ARHGAP18: variants seen among roughly 807,000 people sequenced by gnomAD.
ARHGAP18 encodes the protein Rho GTPase activating protein 18, also known as rho GTPase-activating protein 18.
ARHGAP18 carries 67 observed loss-of-function variants against 86.2 expected under a neutral mutation model. The observed-to-expected ratio is 0.78, with a 90% CI of 0.64 to 0.95. The LOEUF (loss-of-function observed/expected upper bound fraction) is 0.95, where lower values mean the gene tolerates loss of function less well. Among genes scored for constraint, ARHGAP18 ranks in the 40% least tolerant of loss-of-function variants. The probability of loss-of-function intolerance (pLI) is 0.00; values close to 1 mark genes in which losing one functional copy is unlikely to be tolerated. For synonymous variants in ARHGAP18, 283 were observed against 280.4 expected, an observed-to-expected ratio of 1.01 and a Z score of -0.09; for missense variants, 691 against 780.4, an observed-to-expected ratio of 0.89 and a Z score of 1.37.
intron 12 of ARHGAP18, among the ~76,000 whole-genome samples, chr6:129,585,538 A>G (rs1053048269): frequency 2.0e-5 from 3 of 152,224 alleles, no homozygotes; most frequent in Non-Finnish European, 4.4e-5. Flanking sequence ...GGAAGACCAC[A>G]GACTGCAAAC....
intron 1 of ARHGAP18, among the ~76,000 whole-genome samples, chr6:129,675,332 C>T (rs548259248): frequency 5.4e-5 from 8 of 149,296 alleles, no homozygotes; most frequent in African/African-American, 2.0e-4. Flanking sequence ...TGCAGTGAAC[C>T]GAGACCGCGC....
At chr6:129,587,950 G>A (rs1199320232) in intron 12 of ARHGAP18, among the ~76,000 whole-genome samples, 8 of 152,160 alleles carry the variant, frequency 5.3e-5, no homozygotes, top group African/African-American at 1.7e-4. Context: ...GACAAGGCAA[G>A]TCTCTTCCAC....
intron 1 of ARHGAP18, among the ~76,000 whole-genome samples, chr6:129,643,769 G>T (rs1488036303): frequency 6.6e-6 from 1 of 151,802 alleles, no homozygotes; most frequent in African/African-American, 2.4e-5. Flanking sequence ...ATAATAGTGT[G>T]TGAACATTCA....
Position 129,576,374 on chromosome 6 carries a change from TTGCTTGAGCCCCAG to T in ARHGAP18, c.*2125_*2138del, listed in dbSNP as rs1788175182. On this transcript the variant is annotated 3_prime_UTR_variant, in exon 15 of 15. Coordinates refer to ENST00000368149, the MANE Select transcript of ARHGAP18 (RefSeq NM_033515.3). ...TACTCACGAGGCTGAGGCAGGAGGT[TTGCTTGAGCCCCAG>T]TGCTTGAGGCTGCAGTTAGCCGCGA... 1 of 152,188 alleles carries T rather than the reference TTGCTTGAGCCCCAG, an allele frequency of 6.6e-6. No individual in the cohort carries two copies. The highest frequency in any genetic ancestry group is 6.5e-5 in the Admixed American group (1 of 15,278). 9.4% of individuals were successfully genotyped at this position (152,188 alleles called of 1,614,324 possible).
rs200670253 is a variant in ARHGAP18 at position 129,690,149 on chromosome 6, G to GGT, written c.113+19873_113+19874dup. 3.9e-3 allele frequency among the ~76,000 whole-genome samples: 580 copies of GGT among 150,354 alleles called. 4 individuals carry two copies. The highest frequency in any genetic ancestry group is 0.013 in the African/African-American group (545 of 40,688). The stretch of plus-strand genomic sequence containing the variant: ...CGTGTGTGTGTGTGTGTGTGTATGT[G>GGT]GTGTGTGTGTAATGATTTGTATGGA... On this transcript the variant is annotated intron_variant, in intron 1 of 14. Transcript: ENST00000368149.
chr6:129,583,904 A>AG, intron 13 of ARHGAP18, 84 bp downstream of exon 13: 1 of 1,427,258 alleles, frequency 7.0e-7, no homozygotes, highest in South Asian at 1.4e-5. Context: ...AAAAAAAAAA[A>AG]GGAAGAAGAA....
chr6:129,652,412 G>A (rs374881453), intron 1 of ARHGAP18, among the ~76,000 whole-genome samples: 1 of 152,278 alleles, frequency 6.6e-6, no homozygotes, highest in East Asian at 1.9e-4. Context: ...TCAAAGCTGT[G>A]CTCCTGTTTC....
intron 12 of ARHGAP18, among the ~76,000 whole-genome samples, chr6:129,597,655 A>C (rs1788641445): frequency 6.6e-6 from 1 of 152,080 alleles, no homozygotes; most frequent in Non-Finnish European, 1.5e-5. Flanking sequence ...GGGAACACCT[A>C]ACATAAAGTG....
chr6:129,616,242 TG>T lies in ARHGAP18; in HGVS notation c.1013del (p.Pro338GlnfsTer7). 6.2e-7 allele frequency: 1 copy of T among 1,611,792 alleles called. No individual in the cohort carries two copies. The highest frequency in any genetic ancestry group is 8.5e-7 in the Non-Finnish European group (1 of 1,178,734). On this transcript the variant is annotated frameshift_variant, in exon 7 of 15. Transcript: ENST00000368149. LOFTEE classifies it high-confidence loss of function. ...ALLEQDQRKV[P>X]GMRIPLIFQK... ...GAAAGATCAAGGGTATTCGCATTCC[TG>T]GTACTTTCCTCTGATCTTGTTCTAA... is the stretch of plus-strand genomic sequence containing the variant.
intron 13 of ARHGAP18, 68 bp downstream of exon 13, chr6:129,583,920 A>T: frequency 6.5e-7 from 1 of 1,531,940 alleles, no homozygotes; most frequent in Non-Finnish European, 8.8e-7. Context: ...AAGAAGCAGC[A>T]GCGAAGGCGA....
At position 129,577,880 on chromosome 6, in the gene ARHGAP18, G is replaced by A. The variant is rs549258695; in HGVS notation, c.*633C>T. 6.6e-6 allele frequency: 1 copy of A among 152,076 alleles called. No homozygotes were observed. Among genetic ancestry groups the A allele is most frequent in the East Asian group, 1.9e-4 (1 of 5,178 alleles). 9.4% of individuals were successfully genotyped at this position (152,076 alleles called of 1,614,324 possible). A position where few individuals can be genotyped will look rare whatever the true frequency, so the allele number is the denominator to read the frequency against. ...GTCCTATTTTCTTGGTCGCTGATAC[G>A]GTTCTGTGAACATAAGTCAGATGAA... On this transcript the variant is annotated 3_prime_UTR_variant, in exon 15 of 15. Transcript: ENST00000368149.
chr6:129,625,369 A>T (rs1381908736), intron 5 of ARHGAP18, among the ~76,000 whole-genome samples: 1 of 46,408 alleles, frequency 2.2e-5, no homozygotes, highest in East Asian at 5.4e-4. Context: ...ATGTATATTT[A>T]TATATATTAT....
chr6:129,627,656 AAAG>A (rs1789508914), intron 5 of ARHGAP18, among the ~76,000 whole-genome samples: 1 of 151,998 alleles, frequency 6.6e-6, no homozygotes, highest in African/African-American at 2.4e-5. Context: ...GGAAAGGAAG[AAAG>A]AAGGAAGGAA....
At chr6:129,666,161 C>G (rs1205534530) in intron 1 of ARHGAP18, among the ~76,000 whole-genome samples, 1 of 152,102 alleles carries the variant, frequency 6.6e-6, no homozygotes, top group Non-Finnish European at 1.5e-5. Context: ...GATCCAGGAG[C>G]ACCAGGGAGC....
At chr6:129,669,899 T>C (rs1264634463) in intron 1 of ARHGAP18, among the ~76,000 whole-genome samples, 1 of 152,256 alleles carries the variant, frequency 6.6e-6, no homozygotes, top group African/African-American at 2.4e-5. Context: ...TTTGTACTTT[T>C]CAGTATTGCC....
chr6:129,687,373 C>T (rs1361355461), intron 1 of ARHGAP18, among the ~76,000 whole-genome samples: 1 of 152,152 alleles, frequency 6.6e-6, no homozygotes, highest in Non-Finnish European at 1.5e-5. Context: ...TAGCTGAAAC[C>T]TCACCCACAT....
intron 1 of ARHGAP18, among the ~76,000 whole-genome samples, chr6:129,708,806 A>G (rs1407758502): frequency 6.6e-6 from 1 of 152,250 alleles, no homozygotes; most frequent in Non-Finnish European, 1.5e-5. Flanking sequence ...GGATGAAAAC[A>G]CTTCAAGATC....
chr6:129,600,179 T>G (rs577133611), intron 11 of ARHGAP18, among the ~76,000 whole-genome samples: 99 of 152,286 alleles, frequency 6.5e-4, no homozygotes, highest in Admixed American at 8.5e-4. Flanking sequence ...AATTATAAAT[T>G]TCATTGGAAA....
At chr6:129,700,129 C>T (rs1562729140) in intron 1 of ARHGAP18, among the ~76,000 whole-genome samples, 1 of 152,142 alleles carries the variant, frequency 6.6e-6, no homozygotes, top group Non-Finnish European at 1.5e-5. Context: ...TGAGAACAGC[C>T]TAATCAAGAA....
Sources: gnomAD v4.1 joint callset for allele counts (sites outside exome capture counted in the v4.1 genomes callset) on GRCh38, gnomAD v4.1.1 for gene constraint, MANE v1.5 for transcripts, NCBI Gene and HGNC (gene_info 2026-07-23, HGNC 2026-07-21) for gene names.